The following PRKAA2 variants were observed in gnomAD, a reference collection of about 807,000 sequenced individuals.
PRKAA2 encodes protein kinase AMP-activated catalytic subunit alpha 2, also known as 5'-AMP-activated protein kinase catalytic subunit alpha-2.
In PRKAA2, 40 loss-of-function variants were observed where a neutral mutation model predicts 56.3. The observed-to-expected ratio is 0.71, with a 90% CI of 0.55 to 0.92. The LOEUF is 0.92. PRKAA2 is among the 40% of genes least tolerant of loss of function. The pLI is 0.00. For missense variants in PRKAA2, 542 were observed against 686.9 expected, an observed-to-expected ratio of 0.79 and a Z score of 2.36; for synonymous variants, 214 against 234.2, an observed-to-expected ratio of 0.91 and a Z score of 0.79.
chr1:56,662,443 A>G (rs1569724028), intron 1 of PRKAA2, among the ~76,000 whole-genome samples: 1 of 151,914 alleles, frequency 6.6e-6, no homozygotes, highest in East Asian at 1.9e-4. Context: ...TTAAATAGAG[A>G]TGATTTAAAA....
chr1:56,658,772 C>G (rs1047089420), intron 1 of PRKAA2, among the ~76,000 whole-genome samples: 5 of 151,228 alleles, frequency 3.3e-5, no homozygotes, highest in Non-Finnish European at 5.9e-5. Context: ...CAGAGTGTTC[C>G]TCTGTCCCCC....
Position 56,657,956 on chromosome 1 carries a change from A to G in PRKAA2, c.94+12475A>G, listed in dbSNP as rs139532225. 1.9e-4 allele frequency among the ~76,000 whole-genome samples: 29 copies of G among 152,314 alleles called. No homozygotes were observed. The East Asian group carries it at 5.6e-3, about 29-fold the overall frequency. On this transcript the variant is annotated intron_variant, in intron 1 of 8. Transcript: ENST00000371244. ...GGGTAACTAAATAGATACTGACTAT[A>G]CAAAATAATATCTTGCGAGACTGAG... is the stretch of plus-strand genomic sequence containing the variant.
chr1:56,712,910 T>G lies in PRKAA2; in HGVS notation c.*5197T>G, dbSNP rs2100447467. The G allele has an allele frequency of 6.6e-6, 1 of 152,210 alleles. No homozygotes were observed. Among genetic ancestry groups the G allele is most frequent in the South Asian group, 2.1e-4 (1 of 4,824 alleles). The allele number at this position is 152,210 out of a possible 1,614,324, so 9.4% of individuals were successfully genotyped here. A position where few individuals can be genotyped will look rare whatever the true frequency, so the allele number is the denominator to read the frequency against. The stretch of plus-strand genomic sequence containing the variant: ...CCAGTCCCTGTCTAAATTGTTATAG[T>G]TTTTGACTATTATCTGAATTAGTCT... On this transcript the variant is annotated 3_prime_UTR_variant, in exon 9 of 9. Transcript: ENST00000371244.
Position 56,645,317 on chromosome 1 carries a change from C to T in PRKAA2, c.-71C>T. 7.5e-7 allele frequency: 1 copy of T among 1,332,278 alleles called. No homozygotes were observed. Among genetic ancestry groups the T allele is most frequent in the South Asian group, 1.4e-5 (1 of 71,396 alleles). 82.5% of individuals were successfully genotyped at this position (1,332,278 alleles called of 1,614,324 possible). A position where few individuals can be genotyped will look rare whatever the true frequency, so the allele number is the denominator to read the frequency against. On this transcript the variant is annotated 5_prime_UTR_variant, in exon 1 of 9. Transcript: ENST00000371244. ...CCCCTCGCCCGCAGGGCCCGCTGCA[C>T]TGTGGGTAGGCGGCGGCGGCGGCGG...
rs1370828643 is a variant in PRKAA2, at chr1:56,713,605, T to G, written c.*5892T>G. The G allele has an allele frequency of 6.6e-6, 1 of 152,046 alleles. No individual in the cohort carries two copies. Among genetic ancestry groups the G allele is most frequent in the Non-Finnish European group, 1.5e-5 (1 of 67,992 alleles). The allele number at this position is 152,046 out of a possible 1,614,324, so 9.4% of individuals were successfully genotyped here. On this transcript the variant is annotated 3_prime_UTR_variant, in exon 9 of 9. Coordinates refer to ENST00000371244, the MANE Select transcript of PRKAA2 (RefSeq NM_006252.4). ...AATAATACGTAGAATTTTGACAAGGTTCATACAGTGCATACAGTGTGACCT... is the reference window on the plus strand; with the variant it reads ...AATAATACGTAGAATTTTGACAAGGGTCATACAGTGCATACAGTGTGACCT...
chr1:56,669,687 T>C (rs915138699), intron 1 of PRKAA2, among the ~76,000 whole-genome samples: 2 of 152,144 alleles, frequency 1.3e-5, no homozygotes, highest in African/African-American at 4.8e-5. Flanking sequence ...CCATCTAGCA[T>C]TGAGAGATGA....
intron 1 of PRKAA2, among the ~76,000 whole-genome samples, chr1:56,659,402 C>A (rs1210181757): frequency 1.3e-5 from 2 of 149,552 alleles, no homozygotes; most frequent in East Asian, 4.0e-4. Context: ...GAGGCTGAGG[C>A]AGGAGAATCG....
At chr1:56,674,626 T>G in intron 2 of PRKAA2, 104 bp downstream of exon 2, 1 of 1,065,676 alleles carries the variant, frequency 9.4e-7, no homozygotes, top group South Asian at 2.1e-5. Context: ...CAAAGATTTT[T>G]TTTCATGTTC....
intron 2 of PRKAA2, among the ~76,000 whole-genome samples, chr1:56,676,018 T>G (rs1644110504): frequency 6.6e-6 from 1 of 152,222 alleles, no homozygotes; most frequent in Non-Finnish European, 1.5e-5. Context: ...GCATTATATT[T>G]AGGCTGATCT....
chr1:56,653,222 G>T (rs1267363281), intron 1 of PRKAA2, among the ~76,000 whole-genome samples: 1 of 150,236 alleles, frequency 6.7e-6, no homozygotes, highest in African/African-American at 2.4e-5. Context: ...TCACAATTAG[G>T]TAAATACGTG....
At chr1:56,685,438 G>T (rs1281072732) in intron 2 of PRKAA2, among the ~76,000 whole-genome samples, 1 of 152,116 alleles carries the variant, frequency 6.6e-6, no homozygotes, top group Non-Finnish European at 1.5e-5. Context: ...TTTTGGGTAA[G>T]AATTTCTTTT....
At chr1:56,674,580 G>T in intron 2 of PRKAA2, 58 bp downstream of exon 2, 12 of 1,292,774 alleles carry the variant, frequency 9.3e-6, no homozygotes, top group South Asian at 5.5e-5. Flanking sequence ...ATGTTTTTTA[G>T]GAATTTTATA....
At position 56,695,197 on chromosome 1, in the gene PRKAA2, TATA is replaced by T. The variant is rs1408394263; in HGVS notation, c.564-737_564-735del. ...ATATGATATATTATATATATATATA[TATA>T]TATTTTTTGTTTTGAGATAGAGTCT... is the stretch of plus-strand genomic sequence containing the variant. On this transcript the variant is annotated intron_variant, in intron 5 of 8. Transcript: ENST00000371244. Among the ~76,000 whole-genome samples the T allele has an allele frequency of 8.1e-4, 120 of 147,664 alleles. No homozygotes were observed. The East Asian group carries it at 0.012, about 15-fold the overall frequency.
intron 3 of PRKAA2, 143 bp from the exon 4 acceptor site, chr1:56,692,215 A>C: frequency 1.1e-6 from 1 of 908,284 alleles, no homozygotes; most frequent in Non-Finnish European, 1.7e-6. Context: ...TATTTTTAGT[A>C]GAGATGGAGT....
chr1:56,691,360 A>G (rs911942293), intron 2 of PRKAA2, 34 bp from the exon 3 acceptor site: 4 of 1,532,208 alleles, frequency 2.6e-6, no homozygotes, highest in Non-Finnish European at 3.6e-6. Flanking sequence ...TTAAAGTAAC[A>G]TACTTTGTTA....
chr1:56,699,617 TATC>T (rs1644281038), intron 6 of PRKAA2, among the ~76,000 whole-genome samples: 2 of 152,250 alleles, frequency 1.3e-5, no homozygotes, highest in Admixed American at 1.3e-4. Flanking sequence ...ATAATTCACA[TATC>T]ATAAATTTAT....
chr1:56,645,566 C>A, intron 1 of PRKAA2, 85 bp downstream of exon 1: 1 of 1,276,622 alleles, frequency 7.8e-7, no homozygotes, highest in Non-Finnish European at 1.0e-6. Context: ...GGGCCTCCGG[C>A]GGGCGCGGGG....
intron 2 of PRKAA2, among the ~76,000 whole-genome samples, chr1:56,690,423 C>T (rs1644221663): frequency 6.6e-6 from 1 of 152,186 alleles, no homozygotes; most frequent in Non-Finnish European, 1.5e-5. Flanking sequence ...TCCGCCTCGG[C>T]CTCCCAAAGT....
At chr1:56,672,498 A>C (rs1465052093) in intron 1 of PRKAA2, among the ~76,000 whole-genome samples, 1 of 152,156 alleles carries the variant, frequency 6.6e-6, no homozygotes, top group Non-Finnish European at 1.5e-5. Flanking sequence ...GGAGGGACAG[A>C]GGTCACTGGC....
Sources: gnomAD v4.1 joint callset for allele counts (sites outside exome capture counted in the v4.1 genomes callset) on GRCh38, gnomAD v4.1.1 for gene constraint, MANE v1.5 for transcripts, NCBI Gene and HGNC (gene_info 2026-07-23, HGNC 2026-07-21) for gene names.